Variants in ASPSCR1 observed in about 807,000 individuals in gnomAD.
The protein encoded by ASPSCR1 is tether containing UBX domain for GLUT4.
In ASPSCR1, 55 loss-of-function variants were observed where a neutral mutation model predicts 68.9. That is an observed-to-expected ratio of 0.80 (90% CI 0.64 to 1.00). The LOEUF (loss-of-function observed/expected upper bound fraction) is 1.00, where lower values mean the gene tolerates loss of function less well. Among genes scored for constraint, ASPSCR1 ranks in the 50% least tolerant of loss-of-function variants. The pLI is 0.00. For synonymous variants in ASPSCR1, 352 were observed against 332.6 expected, an observed-to-expected ratio of 1.06 and a Z score of -0.63; for missense variants, 765 against 762.2, an observed-to-expected ratio of 1.00 and a Z score of -0.04.
rs180888881 is a variant in ASPSCR1 at position 81,983,172 on chromosome 17, C to T, written c.159-382C>T. Among the ~76,000 whole-genome samples, 1,105 of 152,312 alleles carry T rather than the reference C, an allele frequency of 7.3e-3. 11 individuals carry two copies. The highest frequency in any genetic ancestry group is 0.024 in the Middle Eastern group (7 of 294). Reference sequence around the variant, plus strand: ...TCAGGTTTTCTGTGGTGGCTCCAGCCGTGACGGCCGGGGTCTGTGACACTC... The same window carrying T: ...TCAGGTTTTCTGTGGTGGCTCCAGCTGTGACGGCCGGGGTCTGTGACACTC... On this transcript the variant is annotated intron_variant, in intron 2 of 15. Transcript: ENST00000306739. This position sits in a 1 kb window ranked among gnomAD's most constrained non-coding sequence, Gnocchi z 4.4.
Position 81,983,592 on chromosome 17 carries a change from G to A in ASPSCR1, c.197G>A (p.Arg66Lys). The A allele has an allele frequency of 2.5e-6, 4 of 1,613,686 alleles. No homozygotes were observed. The highest frequency in any genetic ancestry group is 2.5e-6 in the Non-Finnish European group (3 of 1,179,968). The change falls in exon 3 of 16, where the codon AGA (arginine) becomes AAA (lysine). Residue 66 changes from arginine to lysine, a missense_variant. Arg to Lys is a conservative substitution (Grantham distance 26). Coordinates refer to ENST00000306739, the MANE Select transcript of ASPSCR1 (RefSeq NM_024083.4). This position sits in a 1 kb window ranked among gnomAD's most constrained non-coding sequence, Gnocchi z 4.4. ...GTGCTCGACCTTTCTCTCCAGTGGAGATTTGCCAACCTGCCCAACAATGCC... is the reference window on the plus strand; with the variant it reads ...GTGCTCGACCTTTCTCTCCAGTGGAAATTTGCCAACCTGCCCAACAATGCC... ...RSVLDLSLQWRFANLPNNAKL... is the reference protein window; with the variant it reads ...RSVLDLSLQWKFANLPNNAKL...
At chr17:82,001,039 G>A (rs2042512698) in intron 7 of ASPSCR1, among the ~76,000 whole-genome samples, 1 of 152,230 alleles carries the variant, frequency 6.6e-6, no homozygotes, top group Admixed American at 6.5e-5. Context: ...CTGGAGCCGG[G>A]GCCTGGGGTT....
At chr17:82,011,504 G>C (rs897557402) in intron 10 of ASPSCR1, 39 bp from the exon 11 acceptor site, 1 of 1,564,430 alleles carries the variant, frequency 6.4e-7, no homozygotes, top group Non-Finnish European at 8.6e-7. Context: ...GGCTGGCGTG[G>C]TGGAAGAGCT....
intron 7 of ASPSCR1, among the ~76,000 whole-genome samples, chr17:81,997,830 T>G (rs1209710933): frequency 1.4e-5 from 2 of 140,998 alleles, no homozygotes; most frequent in African/African-American, 5.2e-5. Context: ...GGCACCCACT[T>G]TTTTTTTTTT....
At chr17:81,991,097 C>T (rs2042145870) in intron 4 of ASPSCR1, among the ~76,000 whole-genome samples, 1 of 152,164 alleles carries the variant, frequency 6.6e-6, no homozygotes, top group Non-Finnish European at 1.5e-5. Context: ...CGTGGGAACT[C>T]ACACAGCAGC....
intron 7 of ASPSCR1, among the ~76,000 whole-genome samples, chr17:81,998,215 C>T (rs1457911209): frequency 6.6e-6 from 1 of 152,214 alleles, no homozygotes; most frequent in African/African-American, 2.4e-5. Context: ...AAGCGATCTT[C>T]TTATCTCAGC....
chr17:81,988,399 G>C (rs767688268), intron 4 of ASPSCR1, among the ~76,000 whole-genome samples: 1 of 151,318 alleles, frequency 6.6e-6, no homozygotes, highest in Admixed American at 6.6e-5. Flanking sequence ...AGGTTGTAGT[G>C]AGCTGAGATT....
chr17:82,012,259 C>G lies in ASPSCR1; in HGVS notation c.1329C>G (p.Asp443Glu), dbSNP rs143832979. The change falls in exon 12 of 16, where the codon GAC (aspartate) becomes GAG (glutamate). Residue 443 changes from aspartate (D) to glutamate (E), a missense_variant. By Grantham distance (45) the Asp-to-Glu change is conservative. Transcript: ENST00000306739. ...TCACCCCTCCAAAAACAGTCCTGGA[C>G]GACCACACGCAGACCCTCTTTCAGG... ...LFITPPKTVL[D>E]DHTQTLFQAN... 2.5e-6 allele frequency: 4 copies of G among 1,613,426 alleles called. No homozygotes were observed. Among genetic ancestry groups the G allele is most frequent in the African/African-American group, 2.7e-5 (2 of 74,918 alleles).
At chr17:81,996,879 G>A (rs376636450) in intron 7 of ASPSCR1, 33 bp downstream of exon 7, 38 of 1,545,638 alleles carry the variant, frequency 2.5e-5, no homozygotes, top group Non-Finnish European at 3.0e-5. Flanking sequence ...GGACTTGGGG[G>A]TGTCCTTTCT....
At chr17:81,998,042 G>A (rs2144050353) in intron 7 of ASPSCR1, among the ~76,000 whole-genome samples, 1 of 146,378 alleles carries the variant, frequency 6.8e-6, no homozygotes, top group South Asian at 2.2e-4. Flanking sequence ...GGCCAGGCTG[G>A]TCTCGAACTC....
chr17:81,984,283 A>AGCCGAAAGCGCTGCATGGAT (rs1433746960), intron 3 of ASPSCR1, among the ~76,000 whole-genome samples: 1 of 152,192 alleles, frequency 6.6e-6, no homozygotes, highest in East Asian at 1.9e-4. Context: ...AGAATGTTAG[A>AGCCGAAAGCGCTGCATGGAT]GCCGAAAGCG....
Position 82,011,523 on chromosome 17 carries a change from G to A in ASPSCR1, c.1238-20G>A, listed in dbSNP as rs2042942662. 1.3e-6 allele frequency: 2 copies of A among 1,577,972 alleles called. No homozygotes were observed. The highest frequency in any genetic ancestry group is 2.0e-5 in the Admixed American group (1 of 50,968). ...GGCGTGGTGGAAGAGCTGTCTGTAT[G>A]TTCTTTTTCTCCTCTGCAGTGGGGG... On this transcript the variant is annotated intron_variant, in intron 10 of 15. Transcript: ENST00000306739.
intron 4 of ASPSCR1, among the ~76,000 whole-genome samples, chr17:81,988,054 A>G (rs2042052024): frequency 6.7e-6 from 1 of 148,948 alleles, no homozygotes; most frequent in South Asian, 2.2e-4. Context: ...GCTACTCAGG[A>G]GGCTGAGGCA....
At chr17:81,996,148 G>A (rs928990243) in intron 6 of ASPSCR1, 83 bp downstream of exon 6, 4 of 1,441,456 alleles carry the variant, frequency 2.8e-6, no homozygotes, top group South Asian at 1.4e-5. Flanking sequence ...AGGACACGTG[G>A]CAAGTGGGGA....
intron 7 of ASPSCR1, among the ~76,000 whole-genome samples, chr17:81,997,164 C>CCGTGT (rs2042378836): frequency 1.3e-5 from 2 of 152,088 alleles, no homozygotes; most frequent in African/African-American, 4.8e-5. Flanking sequence ...CATGACAAGG[C>CCGTGT]GGCAACTGTG....
intron 12 of ASPSCR1, chr17:82,014,987 G>A (rs2043072377): frequency 7.2e-7 from 1 of 1,398,116 alleles, no homozygotes; most frequent in South Asian, 1.4e-5. Flanking sequence ...CTGGTGGGGA[G>A]AGGCCCCTCA....
At chr17:82,015,109 T>G in intron 12 of ASPSCR1, 1 of 1,598,204 alleles carries the variant, frequency 6.3e-7, no homozygotes, top group Non-Finnish European at 8.5e-7. Context: ...CCATTCACCC[T>G]GGGTCCCTCG....
At chr17:81,984,887 C>A (rs368230520) in intron 3 of ASPSCR1, among the ~76,000 whole-genome samples, 25 of 116,150 alleles carry the variant, frequency 2.2e-4, no homozygotes, top group South Asian at 1.5e-3. Flanking sequence ...CACACACCCC[C>A]CACACACACC....
Position 81,979,222 on chromosome 17 carries a change from C to T in ASPSCR1, c.141C>T (p.Pro47=), listed in dbSNP as rs766537048. The T allele has an allele frequency of 5.0e-6, 8 of 1,614,162 alleles. No homozygotes were observed. Among genetic ancestry groups the T allele is most frequent in the Non-Finnish European group, 6.8e-6 (8 of 1,180,018 alleles). ...CGTGCCGGCGGCAGGACTTCAACCCCTGTGAATATGATCTGAAGTGAGTTT... is the reference window on the plus strand; with the variant it reads ...CGTGCCGGCGGCAGGACTTCAACCCTTGTGAATATGATCTGAAGTGAGTTT... ...EDTCRRQDFN[P]CEYDLKFQRS... Residue 47 remains proline, a synonymous_variant, in exon 2 of 16, where the codon CCC becomes CCT. Coordinates refer to ENST00000306739, the MANE Select transcript of ASPSCR1 (RefSeq NM_024083.4).
Sources: allele counts gnomAD v4.1 joint callset (sites outside exome capture counted in the v4.1 genomes callset), GRCh38; gene constraint gnomAD v4.1.1; non-coding constraint Gnocchi (gnomAD v3.1); transcripts MANE v1.5; gene names NCBI Gene and HGNC (gene_info 2026-07-23, HGNC 2026-07-21).